SPATA6: variants seen among roughly 807,000 people sequenced by gnomAD.
The protein encoded by SPATA6 is spermatogenesis-associated protein 6.
Under a neutral mutation model 65.3 loss-of-function variants are expected in SPATA6, and 56 were observed. That is an observed-to-expected ratio of 0.86 (90% CI 0.69 to 1.07). The LOEUF (loss-of-function observed/expected upper bound fraction) is 1.07. SPATA6 is among the 50% of genes least tolerant of loss of function. The pLI is 0.00. For missense variants in SPATA6, 590 were observed against 594.8 expected (o/e 0.99, Z 0.08); for synonymous variants, 199 against 213.2 (o/e 0.93, Z 0.58).
chr1:48,401,236 C>A (rs1651131842), intron 6 of SPATA6, among the ~76,000 whole-genome samples: 1 of 151,960 alleles, frequency 6.6e-6, no homozygotes, highest in African/African-American at 2.4e-5. Context: ...ACCTCCAGAC[C>A]CAACTAAACT....
the SPATA6 span, among the ~76,000 whole-genome samples, chr1:48,288,013 A>G: frequency 4.6e-5 from 7 of 152,202 alleles, no homozygotes; most frequent in Admixed American, 1.3e-4. Context: ...TTATCATAAA[A>G]TGTTGTTGAA....
intron 8 of SPATA6, among the ~76,000 whole-genome samples, chr1:48,389,541 A>G (rs1401831795): frequency 6.6e-6 from 1 of 152,178 alleles, no homozygotes; most frequent in African/African-American, 2.4e-5. Flanking sequence ...AAAGTGACTA[A>G]TCACCTATAA....
the SPATA6 span, among the ~76,000 whole-genome samples, chr1:48,278,007 C>A: frequency 6.6e-6 from 1 of 152,190 alleles, no homozygotes; most frequent in Non-Finnish European, 1.5e-5. Flanking sequence ...GATCAGACAG[C>A]AGCATTCACG....
chr1:48,330,575 C>T (rs1645886239), intron 11 of SPATA6, among the ~76,000 whole-genome samples: 1 of 152,226 alleles, frequency 6.6e-6, no homozygotes, highest in Admixed American at 6.5e-5. Context: ...TGGCAGTGTG[C>T]ATGGCCCTAT....
intron 6 of SPATA6, 89 bp from the exon 7 acceptor site, chr1:48,399,733 A>C: frequency 1.6e-6 from 2 of 1,254,170 alleles, no homozygotes; most frequent in African/African-American, 1.5e-5. Flanking sequence ...AATTTAAATA[A>C]GACGCAAAAT....
intron 3 of SPATA6, among the ~76,000 whole-genome samples, chr1:48,439,639 G>A (rs898487487): frequency 6.6e-6 from 1 of 152,166 alleles, no homozygotes; most frequent in Non-Finnish European, 1.5e-5. Context: ...GGGCAAGAGG[G>A]GAAAACAAAC....
chr1:48,466,691 T>G (rs541573538), intron 1 of SPATA6, among the ~76,000 whole-genome samples: 2 of 152,066 alleles, frequency 1.3e-5, no homozygotes, highest in Non-Finnish European at 2.9e-5. Flanking sequence ...TATTTTATAG[T>G]TAAAATTTTT....
chr1:48,381,932 A>G (rs1238295151), intron 9 of SPATA6, among the ~76,000 whole-genome samples: 1 of 121,926 alleles, frequency 8.2e-6, no homozygotes, highest in East Asian at 2.3e-4. Context: ...GCCTTCAAGC[A>G]TCTGTTTAAC....
intron 2 of SPATA6, 148 bp from the exon 3 acceptor site, chr1:48,451,748 A>G (rs920192005): frequency 4.4e-5 from 30 of 677,396 alleles, no homozygotes; most frequent in Non-Finnish European, 6.2e-5. Context: ...CATCACTACA[A>G]AAGATTCTAC....
chr1:48,467,153 T>C lies in SPATA6; in HGVS notation c.51+4805A>G, dbSNP rs189233810. Among the ~76,000 whole-genome samples, 6 of 152,286 alleles carry C rather than the reference T, an allele frequency of 3.9e-5. No individual in the cohort carries two copies. In the East Asian group the frequency reaches 1.2e-3, roughly 29 times the overall value. On this transcript the variant is annotated intron_variant, in intron 1 of 12. Transcript: ENST00000371847. ...CTCATTGAGAAAAGTCACTTTCCTC[T>C]TAGCAATATATTTTCTCTCATGTCA...
chr1:48,325,236 C>A (rs3767612), intron 11 of SPATA6: 28 of 766,082 alleles, frequency 3.7e-5, no homozygotes, highest in Middle Eastern at 2.4e-4. Flanking sequence ...AAGTCCACAA[C>A]AGGGGCAAGG....
intron 9 of SPATA6, among the ~76,000 whole-genome samples, chr1:48,367,330 A>G (rs554828185): frequency 2.6e-5 from 4 of 152,258 alleles, no homozygotes; most frequent in South Asian, 4.1e-4. Flanking sequence ...TGCAGAGCTG[A>G]GTTCAATTCC....
intron 6 of SPATA6, among the ~76,000 whole-genome samples, chr1:48,402,017 CT>C (rs1331913296): frequency 6.6e-6 from 1 of 152,082 alleles, no homozygotes; most frequent in Non-Finnish European, 1.5e-5. Context: ...TTACAGCAGC[CT>C]TATGAGGAAC....
At chr1:48,319,379 C>T (rs1645533075) in intron 11 of SPATA6, among the ~76,000 whole-genome samples, 1 of 152,088 alleles carries the variant, frequency 6.6e-6, no homozygotes, top group African/African-American at 2.4e-5. Flanking sequence ...GGGACTTGTA[C>T]TCAGAATATA....
intron 12 of SPATA6, among the ~76,000 whole-genome samples, chr1:48,299,516 G>GAAAAAAAAAAAAAAAAAAAAAAAAAA (rs58072004): frequency 7.9e-5 from 3 of 38,188 alleles, no homozygotes; most frequent in African/African-American, 8.7e-5. Context: ...CTCCGTCTCG[G>GAAAAAAAAAAAAAAAAAAAAAAAAAA]AAAAAAAAAA....
intron 5 of SPATA6, among the ~76,000 whole-genome samples, chr1:48,405,502 T>A (rs1651617334): frequency 1.3e-5 from 2 of 152,200 alleles, no homozygotes; most frequent in South Asian, 4.1e-4. Context: ...AGTTTGAGAA[T>A]CTGCTTCTCA....
In SPATA6 at chr1:48,298,505, G is replaced by A; in HGVS notation, c.*208C>T. On this transcript the variant is annotated 3_prime_UTR_variant, in exon 13 of 13. Coordinates refer to ENST00000371847, the MANE Select transcript of SPATA6 (RefSeq NM_019073.4). ...ATTGTGTGACAGAGCTCTAATGTTT[G>A]TAACACAGCAGACTCTTCTGTAATA... is the stretch of plus-strand genomic sequence containing the variant. 2.3e-6 allele frequency: 1 copy of A among 444,340 alleles called. No individual in the cohort carries two copies. Among genetic ancestry groups the A allele is most frequent in the Admixed American group, 4.0e-5 (1 of 24,826 alleles). The allele number at this position is 444,340 out of a possible 1,614,324, so 27.5% of individuals were successfully genotyped here.
intron 3 of SPATA6, among the ~76,000 whole-genome samples, chr1:48,418,874 G>A (rs1005461595): frequency 6.7e-6 from 1 of 150,238 alleles, no homozygotes; most frequent in Non-Finnish European, 1.5e-5. Context: ...GGAGAGGGAG[G>A]AAGGAAAAGG....
At chr1:48,361,216 C>T (rs191748970) in intron 9 of SPATA6, among the ~76,000 whole-genome samples, 6 of 151,892 alleles carry the variant, frequency 4.0e-5, no homozygotes, top group Middle Eastern at 3.4e-3. Flanking sequence ...GGGAATACTC[C>T]AATATTTAGA....
Sources: allele counts gnomAD v4.1 joint callset (sites outside exome capture counted in the v4.1 genomes callset), GRCh38; gene constraint gnomAD v4.1.1; transcripts MANE v1.5; gene names NCBI Gene and HGNC (gene_info 2026-07-23, HGNC 2026-07-21).